The following INSRR variants were observed in gnomAD, a reference collection of about 807,000 sequenced individuals.
INSRR encodes insulin receptor related receptor, also known as insulin receptor-related protein.
Under a neutral mutation model 130.0 loss-of-function variants are expected in INSRR, and 114 were observed. The ratio of observed to expected loss-of-function variants is 0.88; its 90% CI spans 0.75 to 1.02. The LOEUF is 1.02. INSRR is among the 50% of genes least tolerant of loss of function. The pLI, the probability that INSRR is intolerant of heterozygous loss-of-function variation, is 0.00. For missense variants in INSRR, 1,657 were observed against 1,735.2 expected, an observed-to-expected ratio of 0.95 and a Z score of 0.80; for synonymous variants, 674 against 705.2, an observed-to-expected ratio of 0.96 and a Z score of 0.70.
chr1:156,849,533 T>C (rs754205431), intron 5 of INSRR, 73 bp from the exon 6 acceptor site: 22 of 1,133,064 alleles, frequency 1.9e-5, no homozygotes, highest in Non-Finnish European at 2.7e-5. Context: ...GGCTTATGGG[T>C]TCCTCCTGGA....
intron 7 of INSRR, 72 bp downstream of exon 7, chr1:156,848,849 C>T: frequency 6.6e-7 from 1 of 1,511,968 alleles, no homozygotes; most frequent in South Asian, 1.3e-5. Context: ...TCCGCCCTCA[C>T]CTGCCTGTGG....
Position 156,853,972 on chromosome 1 carries a change from C to T in INSRR, c.417G>A (p.Val139=). The stretch of plus-strand genomic sequence containing the variant: ...AGAGCTCCTGGTTCTTCTCCACACG[C>T]ACAGCCCCACGCAGCACGGCCCCAA... The part of the protein sequence containing the change: ...PALGAVLRGA[V]RVEKNQELCH... The change falls in exon 2 of 22, where the codon GTG becomes GTA. Residue 139 remains valine, a synonymous_variant. Coordinates refer to ENST00000368195, the MANE Select transcript of INSRR (RefSeq NM_014215.3). 6.2e-7 allele frequency: 1 copy of T among 1,613,194 alleles called. No homozygotes were observed. The highest frequency in any genetic ancestry group is 8.5e-7 in the Non-Finnish European group (1 of 1,179,312).
chr1:156,854,565 C>A lies in INSRR; in HGVS notation c.86-262G>T, dbSNP rs373109448. ...CCCATCTCCCCTTCTTGGTTAATAG[C>A]GACTTCATTCTTGCAGTCAGGCTCC... On this transcript the variant is annotated intron_variant, in intron 1 of 21. Coordinates refer to ENST00000368195, the MANE Select transcript of INSRR (RefSeq NM_014215.3). This position sits in a 1 kb window ranked among gnomAD's most constrained non-coding sequence, Gnocchi z 4.2. Among the ~76,000 whole-genome samples, 1 of 152,186 alleles carries A rather than the reference C, an allele frequency of 6.6e-6. No homozygotes were observed. The highest frequency in any genetic ancestry group is 1.5e-5 in the Non-Finnish European group (1 of 68,018).
chr1:156,844,571 G>A lies in INSRR; in HGVS notation c.2628C>T (p.Val876=). ...SRLRYAKFGG[V]HLALLPPGNY... is the part of the protein sequence containing the mutation. ...TTCCAGGGGGCAGCAGGGCCAGGTG[G>A]ACTCCCCCAAACTTCGCATATCGAA... The change falls in exon 14 of 22, where the codon GTC becomes GTT. Residue 876 remains valine (V), a synonymous_variant. Transcript: ENST00000368195. 1.2e-6 allele frequency: 2 copies of A among 1,614,160 alleles called. No individual in the cohort carries two copies. Among genetic ancestry groups the A allele is most frequent in the South Asian group, 1.1e-5 (1 of 91,080 alleles).
rs888261260 is a variant in INSRR at position 156,844,517 on chromosome 1, T to C, written c.2682A>G (p.Ser894=). Residue 894 remains serine, a synonymous_variant, in exon 14 of 22, where the codon TCA becomes TCG. Transcript: ENST00000368195. ...GNYSARVRAT[S]LAGNGSWTDS... The stretch of plus-strand genomic sequence containing the variant: ...CTGTCCAAGAGCCATTGCCAGCCAG[T>C]GAGGTTGCCCTAACCCTGGCAGAGT... 6 of 1,614,010 alleles carry C rather than the reference T, an allele frequency of 3.7e-6. No homozygotes were observed. In the African/African-American group the frequency reaches 8.0e-5, roughly 22 times the overall value.
intron 10 of INSRR, 59 bp downstream of exon 10, chr1:156,845,560 A>AAC: frequency 7.4e-7 from 1 of 1,348,678 alleles, no homozygotes; most frequent in Non-Finnish European, 1.0e-6. Flanking sequence ...CTCCCGCAAG[A>AAC]CCCGCCCCTC....
chr1:156,855,357 C>G (rs961352200), intron 1 of INSRR, among the ~76,000 whole-genome samples: 7 of 152,180 alleles, frequency 4.6e-5, no homozygotes, highest in African/African-American at 1.7e-4. Flanking sequence ...GTGCCCGCCG[C>G]CATACCCAGC....
At chr1:156,857,921 C>G (rs546886363) in intron 1 of INSRR, among the ~76,000 whole-genome samples, 2 of 152,312 alleles carry the variant, frequency 1.3e-5, no homozygotes, top group East Asian at 1.9e-4. Flanking sequence ...ATAGTCCCCC[C>G]ACCCCTCCTC....
At position 156,844,770 on chromosome 1, in the gene INSRR, G is replaced by C. The variant is rs980643939; in HGVS notation, c.2511C>G (p.Leu837=). The C allele has an allele frequency of 4.3e-6, 7 of 1,614,124 alleles. No homozygotes were observed. In the South Asian group the frequency reaches 4.4e-5, roughly 10 times the overall value. The change falls in exon 13 of 22, where the codon CTC becomes CTG. Residue 837 remains leucine (L), a synonymous_variant. Coordinates refer to ENST00000368195, the MANE Select transcript of INSRR (RefSeq NM_014215.3). ...TGAGTCCGTTGGGGTCTGGTGGCTC[G>C]AGCCAGCGCAGAAGGACACTGTTCT... ...SSKNSVLLRW[L]EPPDPNGLIL...
chr1:156,845,460 C>G, intron 10 of INSRR, 47 bp from the exon 11 acceptor site: 1 of 1,523,704 alleles, frequency 6.6e-7, no homozygotes. Context: ...GGATGCACCC[C>G]TGTGCCCTCT....
At chr1:156,848,314 A>C (rs1655081568) in intron 7 of INSRR, among the ~76,000 whole-genome samples, 1 of 152,228 alleles carries the variant, frequency 6.6e-6, no homozygotes, top group Non-Finnish European at 1.5e-5. Flanking sequence ...CCAGAGAGAG[A>C]GAGCATGAAC....
chr1:156,842,035 G>A (rs765290647), intron 19 of INSRR, 77 bp downstream of exon 19: 21 of 1,597,568 alleles, frequency 1.3e-5, no homozygotes, highest in East Asian at 4.5e-5. Flanking sequence ...GACCAGGGCT[G>A]TGGGTCTCCT....
intron 1 of INSRR, among the ~76,000 whole-genome samples, 157 bp downstream of exon 1, chr1:156,858,380 C>A (rs1167314616): frequency 6.6e-6 from 1 of 152,220 alleles, no homozygotes; most frequent in Non-Finnish European, 1.5e-5. Flanking sequence ...GGGGAACTAA[C>A]TGCTTTTCCT....
At position 156,853,869 on chromosome 1, in the gene INSRR, C is replaced by T. The variant is rs200875065; in HGVS notation, c.520G>A (p.Glu174Lys). ...ANHIVGNKLG[E>K]ECADVCPGVL... ...CCAGGGCACACGTCAGCACACTCCTCGCCCAGCTTGTTGCCCACGATGTGG... is the reference window on the plus strand; with the variant it reads ...CCAGGGCACACGTCAGCACACTCCTTGCCCAGCTTGTTGCCCACGATGTGG... Residue 174 changes from glutamate to lysine, a missense_variant, in exon 2 of 22, where the codon GAG becomes AAG. By Grantham distance (56) the Glu-to-Lys change is moderately conservative. Coordinates refer to ENST00000368195, the MANE Select transcript of INSRR (RefSeq NM_014215.3). 46 of 1,614,128 alleles carry T rather than the reference C, an allele frequency of 2.8e-5. No homozygotes were observed. Among genetic ancestry groups the T allele is most frequent in the East Asian group, 2.5e-4 (11 of 44,880 alleles).
rs1439314587 is a variant in INSRR at position 156,851,992 on chromosome 1, G to A, written c.837C>T (p.Arg279=). ...CGGGCACAGAGTGCAGGCTGGCACA[G>A]CGCTCAGCTGTGACACAGCGCCAGG... ...YESWRCVTAE[R]CASLHSVPGR... Residue 279 remains arginine, a synonymous_variant, in exon 3 of 22, where the codon CGC becomes CGT. Transcript: ENST00000368195. 4.3e-6 allele frequency: 7 copies of A among 1,611,656 alleles called. No homozygotes were observed. In the East Asian group the frequency reaches 1.3e-4, roughly 31 times the overall value.
Position 156,854,407 on chromosome 1 carries a change from G to T in INSRR, c.86-104C>A. The T allele has an allele frequency of 8.3e-7, 1 of 1,202,314 alleles. No individual in the cohort carries two copies. The highest frequency in any genetic ancestry group is 1.1e-6 in the Non-Finnish European group (1 of 870,698). 74.5% of individuals were successfully genotyped at this position (1,202,314 alleles called of 1,614,324 possible). A position where few individuals can be genotyped will look rare whatever the true frequency, so the allele number is the denominator to read the frequency against. On this transcript the variant is annotated intron_variant, in intron 1 of 21. Transcript: ENST00000368195. The surrounding 1 kb of genome is among the most constrained non-coding windows in gnomAD (Gnocchi z 4.2). ...AGCCACACTGGCAGTAGGACAATGA[G>T]TGAGGAGCCGGGCTCTGCTCTGGGT...
At chr1:156,855,403 C>T (rs1371694234) in intron 1 of INSRR, among the ~76,000 whole-genome samples, 8 of 152,152 alleles carry the variant, frequency 5.3e-5, no homozygotes, top group African/African-American at 1.9e-4. Context: ...CAAGGTTTTA[C>T]CATGGTGGCC....
chr1:156,844,026 G>T (rs749446657), intron 15 of INSRR, 149 bp downstream of exon 15: 1 of 627,720 alleles, frequency 1.6e-6, no homozygotes, highest in Non-Finnish European at 2.8e-6. Context: ...TAACTGAGAG[G>T]TATGTTTCCT....
rs1248581561 is a variant in INSRR, at chr1:156,848,971, C to T, written c.1521G>A (p.Glu507=). The T allele has an allele frequency of 3.1e-6, 5 of 1,607,058 alleles. No homozygotes were observed. In the Admixed American group the frequency reaches 8.5e-5, roughly 27 times the overall value. The part of the protein sequence containing the change: ...DRILLRWERY[E]PLEARDLLSF... Reference sequence around the variant, plus strand: ...TGAGCAGGTCGCGGGCCTCCAGTGGCTCATAGCGCTCCCAGCGTAGCAGGA... The same window carrying T: ...TGAGCAGGTCGCGGGCCTCCAGTGGTTCATAGCGCTCCCAGCGTAGCAGGA... Residue 507 remains glutamate, a synonymous_variant, in exon 7 of 22, where the codon GAG becomes GAA. Coordinates refer to ENST00000368195, the MANE Select transcript of INSRR (RefSeq NM_014215.3).
Sources: gnomAD v4.1 joint callset for allele counts (sites outside exome capture counted in the v4.1 genomes callset) on GRCh38, gnomAD v4.1.1 for gene constraint, Gnocchi (gnomAD v3.1) non-coding constraint, MANE v1.5 for transcripts, NCBI Gene and HGNC (gene_info 2026-07-23, HGNC 2026-07-21) for gene names.